SGCZ: variants seen among roughly 807,000 people sequenced by gnomAD.
The protein encoded by SGCZ is zeta-sarcoglycan.
In SGCZ, 40 loss-of-function variants were observed where a neutral mutation model predicts 41.3. The observed-to-expected ratio is 0.97, with a 90% CI of 0.75 to 1.26. The LOEUF is 1.26. Ranked by LOEUF, SGCZ falls within the 50% of genes most tolerant of loss-of-function variation. The probability of loss-of-function intolerance (pLI) is 0.00; values close to 1 mark genes in which losing one functional copy is unlikely to be tolerated. For synonymous variants in SGCZ, 206 were observed against 137.5 expected, an observed-to-expected ratio of 1.50 and a Z score of -3.49; for missense variants, 552 against 369.8, an observed-to-expected ratio of 1.49 and a Z score of -4.04.
At chr8:14,451,904 T>C (rs1800604973) in intron 2 of SGCZ, among the ~76,000 whole-genome samples, 1 of 152,192 alleles carries the variant, frequency 6.6e-6, no homozygotes, top group Admixed American at 6.5e-5. Context: ...GGTGCAGCCA[T>C]GTTGAAAGGT....
intron 1 of SGCZ, among the ~76,000 whole-genome samples, chr8:15,123,980 A>C (rs1807582970): frequency 6.6e-6 from 1 of 152,202 alleles, no homozygotes; most frequent in African/African-American, 2.4e-5. Context: ...AACATTGGAC[A>C]GGTAGGCGGG....
At chr8:15,005,337 T>C (rs2898405) in intron 1 of SGCZ, among the ~76,000 whole-genome samples, 1 of 145,454 alleles carries the variant, frequency 6.9e-6, no homozygotes, top group Non-Finnish European at 1.5e-5. Context: ...TCTTTTTTTT[T>C]TTTTTTTTTT....
At chr8:14,571,773 C>G (rs1029256204) in intron 1 of SGCZ, among the ~76,000 whole-genome samples, 3 of 152,066 alleles carry the variant, frequency 2.0e-5, no homozygotes, top group African/African-American at 7.2e-5. Flanking sequence ...AATCGAGAAA[C>G]AGCACGAATA....
chr8:14,283,612 C>T (rs373334854), intron 3 of SGCZ, among the ~76,000 whole-genome samples: 3 of 152,224 alleles, frequency 2.0e-5, no homozygotes, highest in African/African-American at 2.4e-5. Flanking sequence ...AAAAAGACAA[C>T]AATATTCTCT....
intron 1 of SGCZ, among the ~76,000 whole-genome samples, chr8:14,849,965 G>C (rs1381100535): frequency 1.3e-5 from 2 of 151,920 alleles, no homozygotes; most frequent in Non-Finnish European, 2.9e-5. Context: ...CATAAATTTT[G>C]GTTTCTTTTT....
At chr8:14,601,105 G>GTA (rs1467033536) in intron 1 of SGCZ, among the ~76,000 whole-genome samples, 3 of 150,904 alleles carry the variant, frequency 2.0e-5, no homozygotes, top group Non-Finnish European at 4.4e-5. Context: ...TGATCATACT[G>GTA]TATATATCCC....
rs546980350 is a variant in SGCZ, at chr8:14,508,145, A to C, written c.234+46587T>G. Among the ~76,000 whole-genome samples, 3 of 152,164 alleles carry C rather than the reference A, an allele frequency of 2.0e-5. No individual in the cohort carries two copies. In the East Asian group the frequency reaches 5.8e-4, roughly 30 times the overall value. On this transcript the variant is annotated intron_variant, in intron 2 of 7. Coordinates refer to ENST00000382080, the MANE Select transcript of SGCZ (RefSeq NM_139167.4). ...AATCCCTTGCCATCTTCATTTTCCC[A>C]AGAACTTACCAGTACCTAACATACT...
chr8:14,965,976 T>A (rs1197950795), intron 1 of SGCZ, among the ~76,000 whole-genome samples: 1 of 152,042 alleles, frequency 6.6e-6, no homozygotes, highest in Non-Finnish European at 1.5e-5. Flanking sequence ...ACCTACAGAA[T>A]GCTCTCAAGC....
At chr8:14,428,518 C>A (rs1799852482) in intron 2 of SGCZ, among the ~76,000 whole-genome samples, 1 of 152,082 alleles carries the variant, frequency 6.6e-6, no homozygotes, top group Non-Finnish European at 1.5e-5. Flanking sequence ...ATGTATGCAA[C>A]ATAATTTTAC....
chr8:15,170,511 T>A (rs1483141198), intron 1 of SGCZ, among the ~76,000 whole-genome samples: 1 of 152,202 alleles, frequency 6.6e-6, no homozygotes, highest in African/African-American at 2.4e-5. Context: ...CTAAAATTCT[T>A]TCTCAGTGCC....
chr8:15,009,854 G>A (rs11203674), intron 1 of SGCZ, among the ~76,000 whole-genome samples: 81,973 of 151,894 alleles, frequency 0.54, 22,620 homozygotes, highest in Middle Eastern at 0.67. Flanking sequence ...TTAATAATGT[G>A]TCATACAATA....
chr8:15,077,680 T>G (rs951614625), intron 1 of SGCZ, among the ~76,000 whole-genome samples: 9 of 152,330 alleles, frequency 5.9e-5, no homozygotes, highest in Middle Eastern at 3.4e-3. Flanking sequence ...AACCTTATCT[T>G]ACTCCCTCTG....
In SGCZ at chr8:14,102,445, C is replaced by G; in HGVS notation, c.675G>C (p.Val225=). 6.6e-7 allele frequency: 1 copy of G among 1,524,604 alleles called. No individual in the cohort carries two copies. The highest frequency in any genetic ancestry group is 1.9e-4 in the Middle Eastern group (1 of 5,232). The allele number at this position is 1,524,604 out of a possible 1,614,324, so 94.4% of individuals were successfully genotyped here. The change falls in exon 7 of 8, where the codon GTG becomes GTC. Residue 225 remains valine, a synonymous_variant. Transcript: ENST00000382080. ...CCTTGAAGTCTCCTGCAGCAGCACT[C>G]ACCTGGACCCCACGGGGAGCTTCCA... ...LIMEAPRGVQ[V]SAAAGDFKAT... is the part of the protein sequence containing the mutation.
intron 1 of SGCZ, among the ~76,000 whole-genome samples, chr8:14,595,879 CTA>C (rs1303626309): frequency 6.6e-6 from 1 of 151,988 alleles, no homozygotes; most frequent in Non-Finnish European, 1.5e-5. Context: ...TTCCTGGACT[CTA>C]TGTCAGTTTA....
At chr8:14,423,440 G>A (rs538132533) in intron 2 of SGCZ, among the ~76,000 whole-genome samples, 3 of 151,860 alleles carry the variant, frequency 2.0e-5, no homozygotes, top group Non-Finnish European at 4.4e-5. Flanking sequence ...TTTTAAGATG[G>A]AGTTTCGCTC....
chr8:14,335,545 T>C (rs951569214), intron 2 of SGCZ, among the ~76,000 whole-genome samples: 8 of 152,246 alleles, frequency 5.3e-5, no homozygotes, highest in Non-Finnish European at 2.9e-5. Context: ...ATGGCATACT[T>C]TCTAAGTTTT....
intron 1 of SGCZ, among the ~76,000 whole-genome samples, chr8:14,961,058 C>A (rs1308735590): frequency 6.6e-6 from 1 of 152,004 alleles, no homozygotes; most frequent in African/African-American, 2.4e-5. Flanking sequence ...ATGTGCTTAG[C>A]ATTTTAACTC....
chr8:14,817,152 T>A (rs1260701241), intron 1 of SGCZ, among the ~76,000 whole-genome samples: 1 of 152,184 alleles, frequency 6.6e-6, no homozygotes, highest in African/African-American at 2.4e-5. Flanking sequence ...AGTAACATCC[T>A]TTTCCTTAAG....
intron 5 of SGCZ, among the ~76,000 whole-genome samples, chr8:14,156,601 C>A (rs1239028355): frequency 6.6e-6 from 1 of 152,170 alleles, no homozygotes; most frequent in Non-Finnish European, 1.5e-5. Flanking sequence ...TAAAGCACAA[C>A]CATGTATAGC....
Sources: gnomAD v4.1 joint callset for allele counts (sites outside exome capture counted in the v4.1 genomes callset) on GRCh38, gnomAD v4.1.1 for gene constraint, MANE v1.5 for transcripts, NCBI Gene and HGNC (gene_info 2026-07-23, HGNC 2026-07-21) for gene names.